TPRG1: variants seen among roughly 807,000 people sequenced by gnomAD.
TPRG1 encodes the protein tumor protein p63-regulated gene 1 protein.
TPRG1 carries 29 observed loss-of-function variants against 29.3 expected under a neutral mutation model. That is an observed-to-expected ratio of 0.99 (90% CI 0.74 to 1.35). TPRG1 has a LOEUF of 1.35. Among genes scored for constraint, TPRG1 ranks in the 40% most tolerant of loss-of-function variants. The pLI is 0.00. For missense variants in TPRG1, 327 were observed against 335.0 expected, an observed-to-expected ratio of 0.98 and a Z score of 0.19; for synonymous variants, 130 against 116.8, an observed-to-expected ratio of 1.11 and a Z score of -0.73.
chr3:189,122,520 A>G (rs112388968), intron 1 of TPRG1, among the ~76,000 whole-genome samples: 3 of 152,316 alleles, frequency 2.0e-5, no homozygotes, highest in African/African-American at 7.2e-5. Context: ...TTTTCCTAGA[A>G]GAGTATTTTG....
intron 4 of TPRG1, among the ~76,000 whole-genome samples, chr3:189,073,047 A>C (rs1262339739): frequency 6.6e-6 from 1 of 152,318 alleles, no homozygotes; most frequent in South Asian, 2.1e-4. Context: ...GAATTGAATT[A>C]GTAGCTATTT....
intron 4 of TPRG1, among the ~76,000 whole-genome samples, chr3:189,285,030 A>C (rs921460996): frequency 6.6e-6 from 1 of 152,198 alleles, no homozygotes; most frequent in Non-Finnish European, 1.5e-5. Context: ...AAATTTTTGC[A>C]ATCTACTCAT....
At chr3:189,019,356 T>C (rs1713153591) in intron 3 of TPRG1, among the ~76,000 whole-genome samples, 1 of 152,236 alleles carries the variant, frequency 6.6e-6, no homozygotes, top group Admixed American at 6.5e-5. Flanking sequence ...CAGTGTGATA[T>C]TGGCCGTGGG....
intron 2 of TPRG1, among the ~76,000 whole-genome samples, chr3:189,214,696 T>C (rs1735765914): frequency 6.6e-6 from 1 of 152,220 alleles, no homozygotes; most frequent in Non-Finnish European, 1.5e-5. Context: ...ACACATACTT[T>C]AGGTGATTCT....
At chr3:189,238,936 A>G (rs1233660886) in intron 4 of TPRG1, 27 bp downstream of exon 4, 1 of 1,567,250 alleles carries the variant, frequency 6.4e-7, no homozygotes, top group Admixed American at 1.8e-5. Context: ...TACTTGAAGA[A>G]GTGGTGCAGC....
chr3:189,281,718 A>G (rs1717162449), intron 4 of TPRG1, among the ~76,000 whole-genome samples: 1 of 152,184 alleles, frequency 6.6e-6, no homozygotes, highest in Admixed American at 6.5e-5. Context: ...AAGATTGAGC[A>G]CTAGTTGAGT....
intron 5 of TPRG1, among the ~76,000 whole-genome samples, chr3:189,314,612 A>G (rs1038316243): frequency 6.6e-6 from 1 of 152,156 alleles, no homozygotes; most frequent in East Asian, 1.9e-4. Flanking sequence ...TCACATACAT[A>G]GTTTGTGTTA....
At chr3:189,223,161 C>T (rs932497050) in intron 3 of TPRG1, among the ~76,000 whole-genome samples, 1 of 152,206 alleles carries the variant, frequency 6.6e-6, no homozygotes, top group Non-Finnish European at 1.5e-5. Flanking sequence ...GGGCTCAGAA[C>T]TTACCACACA....
At chr3:189,068,470 A>G (rs574468538) in intron 4 of TPRG1, among the ~76,000 whole-genome samples, 2 of 152,334 alleles carry the variant, frequency 1.3e-5, no homozygotes, top group Non-Finnish European at 2.9e-5. Context: ...AGTACTAGTC[A>G]GCCATAAAAA....
intron 4 of TPRG1, among the ~76,000 whole-genome samples, chr3:189,079,841 C>T (rs1328129518): frequency 6.6e-6 from 1 of 152,186 alleles, no homozygotes; most frequent in African/African-American, 2.4e-5. Context: ...GAACAGTAAG[C>T]ATTTTCCGAG....
intron 4 of TPRG1, among the ~76,000 whole-genome samples, chr3:189,292,637 A>G (rs1719209237): frequency 6.6e-6 from 1 of 152,140 alleles, no homozygotes; most frequent in Admixed American, 6.5e-5. Context: ...AACTTATAGT[A>G]ATTTGGGGCT....
chr3:189,057,838 G>T (rs9681978), intron 4 of TPRG1, among the ~76,000 whole-genome samples: 13 of 107,578 alleles, frequency 1.2e-4, no homozygotes, highest in Admixed American at 5.2e-4. Context: ...ACACACATAT[G>T]TATGTGTGTA....
chr3:189,005,145 T>A (rs1221336426), intron 3 of TPRG1, among the ~76,000 whole-genome samples: 1 of 152,126 alleles, frequency 6.6e-6, no homozygotes, highest in East Asian at 1.9e-4. Flanking sequence ...AAGGTGGGAC[T>A]GTTGCTCACT....
At chr3:189,213,235 G>A (rs114020213) in intron 2 of TPRG1, among the ~76,000 whole-genome samples, 1,786 of 152,150 alleles carry the variant, frequency 0.012, 30 homozygotes, top group African/African-American at 0.04. Context: ...AGTTACAGTT[G>A]TTATCTTCTT....
chr3:189,028,220 T>C (rs988507734), intron 4 of TPRG1, among the ~76,000 whole-genome samples: 2 of 152,180 alleles, frequency 1.3e-5, no homozygotes, highest in Admixed American at 6.5e-5. Context: ...GTCAATCATA[T>C]TGTCAGAAAT....
chr3:189,118,704 A>G (rs1490700866), intron 1 of TPRG1, among the ~76,000 whole-genome samples: 2 of 152,222 alleles, frequency 1.3e-5, no homozygotes, highest in African/African-American at 4.8e-5. Flanking sequence ...GCAAACCCCA[A>G]GCCCCAAGCC....
intron 4 of TPRG1, among the ~76,000 whole-genome samples, chr3:189,306,205 G>A (rs536642915): frequency 1.3e-5 from 2 of 152,236 alleles, no homozygotes; most frequent in South Asian, 4.2e-4. Flanking sequence ...TGTTTTAGAG[G>A]ATCAGCTCTG....
At chr3:189,082,132 C>CA (rs1474347966) in intron 4 of TPRG1, among the ~76,000 whole-genome samples, 1 of 152,128 alleles carries the variant, frequency 6.6e-6, no homozygotes, top group African/African-American at 2.4e-5. Context: ...AAGAGAGGGA[C>CA]ACACAAGGTG....
intron 4 of TPRG1, among the ~76,000 whole-genome samples, chr3:189,058,078 T>C (rs1006443531): frequency 5.9e-5 from 9 of 152,066 alleles, no homozygotes; most frequent in African/African-American, 1.9e-4. Context: ...GTGAGTTAAT[T>C]GAAGCCAATT....
Sources: allele counts gnomAD v4.1 joint callset (sites outside exome capture counted in the v4.1 genomes callset), GRCh38; gene constraint gnomAD v4.1.1; transcripts MANE v1.5; gene names NCBI Gene and HGNC (gene_info 2026-07-23, HGNC 2026-07-21).